VMP1: variants seen among roughly 807,000 people sequenced by gnomAD.
VMP1 encodes the protein ectopic P-granules autophagy protein 3 homolog.
In VMP1, 11 loss-of-function variants were observed where a neutral mutation model predicts 56.0. That is an observed-to-expected ratio of 0.20 (90% confidence interval 0.12 to 0.32). VMP1 has a LOEUF of 0.32. VMP1 is among the 10% of genes least tolerant of loss of function. The probability of loss-of-function intolerance (pLI) is 1.00; values close to 1 mark genes in which losing one functional copy is unlikely to be tolerated. For synonymous variants in VMP1, 149 were observed against 165.0 expected, an observed-to-expected ratio of 0.90 and a Z score of 0.74; for missense variants, 296 against 490.3, an observed-to-expected ratio of 0.60 and a Z score of 3.74.
In VMP1 at chr17:59,824,623, A is replaced by G. The variant is rs546898811; in HGVS notation, c.974+6850A>G. The stretch of plus-strand genomic sequence containing the variant: ...CGCAGTGGCCCACGCCTGTAATCCC[A>G]GCACTTTGGGAGGCCGAGGTGGGCG... On this transcript the variant is annotated intron_variant, in intron 10 of 11. Coordinates refer to ENST00000262291, the MANE Select transcript of VMP1 (RefSeq NM_030938.5). Among the ~76,000 whole-genome samples the G allele has an allele frequency of 4.8e-3, 720 of 150,040 alleles. 6 individuals carry two copies. The highest frequency in any genetic ancestry group is 0.017 in the African/African-American group (686 of 40,822).
chr17:59,727,238 C>G (rs573915754), intron 1 of VMP1, among the ~76,000 whole-genome samples: 3 of 151,984 alleles, frequency 2.0e-5, no homozygotes, highest in Non-Finnish European at 4.4e-5. Context: ...GGGTTCATGC[C>G]GTTCTCCTGC....
intron 1 of VMP1, among the ~76,000 whole-genome samples, chr17:59,724,098 G>A (rs1944101816): frequency 1.3e-5 from 2 of 151,872 alleles, no homozygotes; most frequent in Admixed American, 6.6e-5. Flanking sequence ...TGTAGTTCCA[G>A]CTGCTCGGGA....
chr17:59,799,052 G>A (rs1250198908), intron 7 of VMP1, among the ~76,000 whole-genome samples: 2 of 152,040 alleles, frequency 1.3e-5, no homozygotes, highest in African/African-American at 4.8e-5. Flanking sequence ...TAGTTTTTGA[G>A]TACTTAATAA....
chr17:59,801,991 A>T (rs1007527989), intron 7 of VMP1, among the ~76,000 whole-genome samples: 3 of 152,148 alleles, frequency 2.0e-5, no homozygotes, highest in African/African-American at 7.2e-5. Context: ...ACTTGAGGTC[A>T]GGAGTTCGAG....
At chr17:59,711,135 C>CAAA (rs34251771) in intron 1 of VMP1, among the ~76,000 whole-genome samples, 1 of 140,692 alleles carries the variant, frequency 7.1e-6, no homozygotes, top group African/African-American at 2.6e-5. Context: ...TTTGCTCTTA[C>CAAA]AAAAAAAAAA....
chr17:59,824,439 G>T (rs2038567892), intron 10 of VMP1, among the ~76,000 whole-genome samples: 1 of 150,470 alleles, frequency 6.6e-6, no homozygotes, highest in Admixed American at 6.7e-5. Flanking sequence ...CGGGCGTGGG[G>T]GTGGGCGTCT....
intron 5 of VMP1, among the ~76,000 whole-genome samples, chr17:59,740,008 T>G (rs1598319262): frequency 7.2e-6 from 1 of 138,490 alleles, no homozygotes; most frequent in South Asian, 2.3e-4. Flanking sequence ...ACCTGGGAGG[T>G]GGAGCTTGCA....
At chr17:59,708,753 G>A (rs1460202317) in intron 1 of VMP1, among the ~76,000 whole-genome samples, 1 of 152,146 alleles carries the variant, frequency 6.6e-6, no homozygotes, top group Non-Finnish European at 1.5e-5. Context: ...GATTTTAGTT[G>A]TGTATTCTTA....
In VMP1 at chr17:59,784,142, T is replaced by TGAGAGAGAGA. The variant is rs1555621322; in HGVS notation, c.714+10264_714+10273dup. On this transcript the variant is annotated intron_variant, in intron 7 of 11. Transcript: ENST00000262291. ...GTGTGTGTGTGTGTGTGTGTGTGTGTGAGAGAGAGAGAGAGATTGGAGGGA... is the reference window on the plus strand; with the variant it reads ...GTGTGTGTGTGTGTGTGTGTGTGTGTGAGAGAGAGAGAGAGAGAGAGAGAGATTGGAGGGA... Among the ~76,000 whole-genome samples the TGAGAGAGAGA allele has an allele frequency of 3.3e-3, 434 of 130,444 alleles. 2 individuals carry two copies. Among genetic ancestry groups the TGAGAGAGAGA allele is most frequent in the African/African-American group, 0.012 (389 of 33,484 alleles). 85.6% of individuals were successfully genotyped at this position (130,444 alleles called of 152,430 possible).
chr17:59,767,706 T>C (rs2144003110), intron 6 of VMP1, among the ~76,000 whole-genome samples: 1 of 152,326 alleles, frequency 6.6e-6, no homozygotes, highest in East Asian at 1.9e-4. Flanking sequence ...TAGGCCTGGC[T>C]TTACACATGC....
At chr17:59,743,160 G>A (rs2035291889) in intron 5 of VMP1, among the ~76,000 whole-genome samples, 2 of 152,022 alleles carry the variant, frequency 1.3e-5, no homozygotes, top group Admixed American at 1.3e-4. Flanking sequence ...CAGGTCTATG[G>A]GTTTTGACAA....
intron 7 of VMP1, among the ~76,000 whole-genome samples, chr17:59,789,020 A>C (rs1018183584): frequency 6.7e-6 from 1 of 148,508 alleles, no homozygotes; most frequent in African/African-American, 2.5e-5. Context: ...GCCGGGCGCC[A>C]TGGCTCATGC....
chr17:59,806,258 A>G (rs1010348599), intron 7 of VMP1, among the ~76,000 whole-genome samples: 1 of 152,172 alleles, frequency 6.6e-6, no homozygotes, highest in African/African-American at 2.4e-5. Flanking sequence ...TTGTTTTTAA[A>G]ATAAGCTATA....
intron 7 of VMP1, among the ~76,000 whole-genome samples, chr17:59,777,465 T>C (rs1419083349): frequency 1.3e-5 from 2 of 152,082 alleles, no homozygotes; most frequent in East Asian, 3.8e-4. Context: ...TACTTTTTTT[T>C]TTTTTCCTCT....
At chr17:59,800,740 G>A (rs2037609566) in intron 7 of VMP1, among the ~76,000 whole-genome samples, 2 of 152,026 alleles carry the variant, frequency 1.3e-5, no homozygotes, top group South Asian at 2.1e-4. Flanking sequence ...CATGTTTGTG[G>A]CGATGCTGGT....
intron 5 of VMP1, among the ~76,000 whole-genome samples, chr17:59,749,624 T>G (rs1469321197): frequency 6.6e-6 from 1 of 151,704 alleles, no homozygotes; most frequent in Admixed American, 6.6e-5. Context: ...GATTCTCATG[T>G]CTCAGCCTCC....
intron 7 of VMP1, among the ~76,000 whole-genome samples, chr17:59,776,914 C>A (rs1444704302): frequency 4.6e-5 from 7 of 152,068 alleles, no homozygotes; most frequent in Admixed American, 4.6e-4. Flanking sequence ...ATGATTATTT[C>A]TCCTTTTGTT....
At chr17:59,779,007 A>G (rs1375100695) in intron 7 of VMP1, among the ~76,000 whole-genome samples, 1 of 152,202 alleles carries the variant, frequency 6.6e-6, no homozygotes, top group Non-Finnish European at 1.5e-5. Flanking sequence ...TTGCCCAACT[A>G]TGGGCTAATG....
intron 5 of VMP1, among the ~76,000 whole-genome samples, chr17:59,747,413 C>CT (rs201448260): frequency 0.25 from 33,813 of 137,110 alleles, 4,411 homozygotes; most frequent in South Asian, 0.4. Flanking sequence ...TTCTTTCTTT[C>CT]TTTTTTTTTT....
Sources: gnomAD v4.1 joint callset for allele counts (sites outside exome capture counted in the v4.1 genomes callset) on GRCh38, gnomAD v4.1.1 for gene constraint, MANE v1.5 for transcripts, NCBI Gene and HGNC (gene_info 2026-07-23, HGNC 2026-07-21) for gene names.